TAF1: variants seen among roughly 807,000 people sequenced by gnomAD.
TAF1 encodes TATA-box binding protein associated factor 1.
In TAF1, 2 loss-of-function variants were observed where a neutral mutation model predicts 138.5. The observed-to-expected ratio is 0.01, with a 90% CI of 0.01 to 0.05. TAF1 has a LOEUF of 0.05. TAF1 is among the 10% of genes least tolerant of loss of function. TAF1 has a pLI of 1.00. For missense variants in TAF1, 709 were observed against 1,478.0 expected, an observed-to-expected ratio of 0.48 and a Z score of 8.53; for synonymous variants, 437 against 503.2, an observed-to-expected ratio of 0.87 and a Z score of 1.76.
At chrX:71,419,319 C>T (rs2036204184) in intron 28 of TAF1, among the ~76,000 whole-genome samples, 1 of 109,391 alleles carries the variant, frequency 9.1e-6, no homozygotes, top group African/African-American at 3.3e-5. Flanking sequence ...CAAAATCCAC[C>T]TCCCACCTCC....
chrX:71,496,732 G>A (rs933461945), intron 13 of TAF1, among the ~76,000 whole-genome samples: 5 of 101,309 alleles, frequency 4.9e-5, no homozygotes, highest in Admixed American at 1.1e-4. Flanking sequence ...TTTCTTTCTC[G>A]CTCTCTTTCT....
At chrX:71,372,888 A>G (rs191345648) in intron 3 of TAF1, among the ~76,000 whole-genome samples, 120 of 111,622 alleles carry the variant, frequency 1.1e-3, no homozygotes, top group African/African-American at 3.6e-3. Flanking sequence ...TTTGTTTGAG[A>G]CAGAGTCTCG....
chrX:71,477,172 C>G (rs2038994090), intron 13 of TAF1, among the ~76,000 whole-genome samples: 1 of 111,237 alleles, frequency 9.0e-6, no homozygotes, highest in Non-Finnish European at 1.9e-5. Context: ...CTCCTGACCT[C>G]AAGTGATCTA....
At chrX:71,419,188 A>G (rs2036196016) in intron 28 of TAF1, among the ~76,000 whole-genome samples, 1 of 111,614 alleles carries the variant, frequency 9.0e-6, no homozygotes, top group South Asian at 3.7e-4. Context: ...GGAAAATTAC[A>G]AGTCACCCAT....
Position 71,394,204 on chromosome X carries a change from G to A in TAF1, c.3365G>A (p.Arg1122Gln), listed in dbSNP as rs2034720686. The change falls in exon 22 of 38, where the codon CGG (arginine) becomes CAG (glutamine). Residue 1122 changes from arginine to glutamine, a missense_variant. Transcript: ENST00000423759. Reference protein sequence around the residue: ...KKTSSQLSREREEQERKELQR... With the variant: ...KKTSSQLSREQEEQERKELQR... ...ACCAGCTCTCAGCTTTCACGTGAAC[G>A]GGAGGAACAGGAGCGGAAGGAACTA... is the stretch of plus-strand genomic sequence containing the variant. 1.7e-6 allele frequency: 2 copies of A among 1,211,731 alleles called. No individual in the cohort carries two copies. Among genetic ancestry groups the A allele is most frequent in the Non-Finnish European group, 2.2e-6 (2 of 895,463 alleles).
At chrX:71,388,107 G>T in intron 15 of TAF1, 130 bp from the exon 16 acceptor site, 1 of 961,028 alleles carries the variant, frequency 1.0e-6, no homozygotes, top group Non-Finnish European at 1.4e-6. Flanking sequence ...CTCAGAAAAA[G>T]TAGGCTGTGT....
chrX:71,394,014 C>T, intron 21 of TAF1, 53 bp from the exon 22 acceptor site: 1 of 1,108,044 alleles, frequency 9.0e-7, no homozygotes, highest in African/African-American at 1.8e-5. Context: ...TTTACTTTTG[C>T]CTGCAACCAT....
intron 8 of TAF1, among the ~76,000 whole-genome samples, chrX:71,380,890 C>T (rs953719585): frequency 9.0e-6 from 1 of 111,193 alleles, no homozygotes; most frequent in Non-Finnish European, 1.9e-5. Context: ...GGGGTTTCAC[C>T]AGGTTGGCCA....
chrX:71,453,853 T>G (rs1051065164), intron 32 of TAF1, among the ~76,000 whole-genome samples: 1 of 110,980 alleles, frequency 9.0e-6, no homozygotes, highest in African/African-American at 3.3e-5. Context: ...CTGAACAATT[T>G]TTAGAGGAAA....
chrX:71,510,254 C>T (rs777770961), intron 13 of TAF1, among the ~76,000 whole-genome samples: 2 of 110,557 alleles, frequency 1.8e-5, no homozygotes, highest in Non-Finnish European at 3.8e-5. Context: ...AACAATGCCT[C>T]AAACCATTGC....
At chrX:71,515,306 G>A (rs943360193) in intron 13 of TAF1, among the ~76,000 whole-genome samples, 2 of 111,225 alleles carry the variant, frequency 1.8e-5, no homozygotes, top group Non-Finnish European at 3.8e-5. Flanking sequence ...AGGTTTTTCC[G>A]TTCAGTTTAT....
At chrX:71,398,520 G>A (rs1476293130) in intron 23 of TAF1, 52 bp from the exon 24 acceptor site, 24 of 1,191,537 alleles carry the variant, frequency 2.0e-5, no homozygotes, top group Non-Finnish European at 2.7e-5. Context: ...TCTTGGTTAA[G>A]GTTTGCTTAT....
At chrX:71,530,001 T>C (rs1042280592) in exon 15 of TAF1, 1 of 180,024 alleles carries the variant, frequency 5.6e-6, no homozygotes, top group African/African-American at 3.0e-5. Context: ...AGCTGCCTTT[T>C]TCAATGTACT....
intron 13 of TAF1, among the ~76,000 whole-genome samples, chrX:71,514,763 G>A (rs963538003): frequency 9.8e-5 from 11 of 111,958 alleles, no homozygotes; most frequent in Non-Finnish European, 1.7e-4. Context: ...CCACATGCCA[G>A]TATCTTTACT....
At chrX:71,384,186 T>C (rs1210467276) in intron 13 of TAF1, 51 bp downstream of exon 13, 9 of 1,169,748 alleles carry the variant, frequency 7.7e-6, no homozygotes, top group Non-Finnish European at 1.0e-5. Flanking sequence ...CTGCTTATGC[T>C]TCCATAAACT....
At chrX:71,405,685 A>G (rs777024527) in intron 25 of TAF1, among the ~76,000 whole-genome samples, 1 of 111,974 alleles carries the variant, frequency 8.9e-6, no homozygotes, top group African/African-American at 3.2e-5. Context: ...AATATCCGTA[A>G]TAGTCATTGT....
intron 32 of TAF1, among the ~76,000 whole-genome samples, chrX:71,429,147 C>T (rs944158519): frequency 6.0e-4 from 66 of 109,900 alleles, no homozygotes; most frequent in Non-Finnish European, 5.3e-4. Context: ...TGGTGGCGGG[C>T]GCCTGTAGTC....
At chrX:71,480,084 G>A (rs2039045602) in intron 13 of TAF1, among the ~76,000 whole-genome samples, 2 of 110,795 alleles carry the variant, frequency 1.8e-5, no homozygotes, top group African/African-American at 6.6e-5. Context: ...AATTATCTGG[G>A]CATGGTGGTG....
chrX:71,397,937 A>G (rs992909891), intron 23 of TAF1, among the ~76,000 whole-genome samples: 4 of 112,168 alleles, frequency 3.6e-5, no homozygotes, highest in Admixed American at 2.9e-4. Context: ...ATTGGGTTTG[A>G]ATAGAGCCAA....
Sources: gnomAD v4.1 joint callset for allele counts (sites outside exome capture counted in the v4.1 genomes callset) on GRCh38, gnomAD v4.1.1 for gene constraint, MANE v1.5 for transcripts, NCBI Gene and HGNC (gene_info 2026-07-23, HGNC 2026-07-21) for gene names.